The following DCPS variants were observed in gnomAD, a reference collection of about 807,000 sequenced individuals.
DCPS encodes decapping enzyme, scavenger.
In DCPS, 27 loss-of-function variants were observed where a neutral mutation model predicts 34.7. The observed-to-expected ratio is 0.78, with a 90% CI of 0.57 to 1.07. The LOEUF is 1.07. Among genes scored for constraint, DCPS ranks in the 50% least tolerant of loss-of-function variants. The pLI is 0.00. For missense variants in DCPS, 464 were observed against 436.9 expected, an observed-to-expected ratio of 1.06 and a Z score of -0.55; for synonymous variants, 185 against 185.7, an observed-to-expected ratio of 1.00 and a Z score of 0.03.
intron 5 of DCPS, among the ~76,000 whole-genome samples, chr11:126,343,998 A>G (rs1333004205): frequency 6.6e-6 from 1 of 152,084 alleles, no homozygotes; most frequent in Non-Finnish European, 1.5e-5. Flanking sequence ...TTGGACCCTA[A>G]CCAGCTGAGT....
At chr11:126,318,228 G>A (rs995474899) in intron 2 of DCPS, among the ~76,000 whole-genome samples, 1 of 152,198 alleles carries the variant, frequency 6.6e-6, no homozygotes, top group Non-Finnish European at 1.5e-5. Context: ...GAGGCTTGCT[G>A]TGGAGTGGTT....
At chr11:126,330,635 C>G (rs1286656470) in intron 2 of DCPS, among the ~76,000 whole-genome samples, 1 of 141,918 alleles carries the variant, frequency 7.0e-6, no homozygotes, top group Non-Finnish European at 1.5e-5. Context: ...GTGCCTGGAA[C>G]CACTGCGCTC....
chr11:126,336,945 T>C lies in DCPS; in HGVS notation c.523-1341T>C, dbSNP rs1380118989. The C allele has an allele frequency of 6.6e-6, 1 of 152,418 alleles. No individual in the cohort carries two copies. Among genetic ancestry groups the C allele is most frequent in the Non-Finnish European group, 1.5e-5 (1 of 68,250 alleles). 9.4% of individuals were successfully genotyped at this position (152,418 alleles called of 1,614,324 possible). On this transcript the variant is annotated intron_variant, in intron 3 of 5. Coordinates refer to ENST00000263579, the MANE Select transcript of DCPS (RefSeq NM_014026.6). This position sits in a 1 kb window ranked among gnomAD's most constrained non-coding sequence, Gnocchi z 6.3. ...GAAATGCTTCCTGTGGGTAGAGAGT[T>C]GCAGGAGACCTCGAGGCCCAGCTGC...
chr11:126,345,324 C>A lies in DCPS; in HGVS notation c.748-23C>A. 6.2e-7 allele frequency: 1 copy of A among 1,612,614 alleles called. No individual in the cohort carries two copies. Among genetic ancestry groups the A allele is most frequent in the Non-Finnish European group, 8.5e-7 (1 of 1,179,540 alleles). Reference sequence around the variant, plus strand: ...CCTCAGGCAGCACGGTGACTCCTGACCTGCCTGCCCCTGTCTCATCAGGAG... The same window carrying A: ...CCTCAGGCAGCACGGTGACTCCTGAACTGCCTGCCCCTGTCTCATCAGGAG... On this transcript the variant is annotated intron_variant, in intron 5 of 5. Transcript: ENST00000263579. This position sits in a 1 kb window ranked among gnomAD's most constrained non-coding sequence, Gnocchi z 7.4.
rs190840638 is a variant in DCPS at position 126,328,142 on chromosome 11, G to A, written c.377-3263G>A. ...GCTGACGCGAGTTAGTGGGTCAGTGGGGAGCCGGCGCGGCTGGAGCAGAGG... is the reference window on the plus strand; with the variant it reads ...GCTGACGCGAGTTAGTGGGTCAGTGAGGAGCCGGCGCGGCTGGAGCAGAGG... On this transcript the variant is annotated intron_variant, in intron 2 of 5. Transcript: ENST00000263579. The surrounding 1 kb of genome is among the most constrained non-coding windows in gnomAD (Gnocchi z 6.6). Among the ~76,000 whole-genome samples, 120 of 152,356 alleles carry A rather than the reference G, an allele frequency of 7.9e-4. 1 individual carries two copies. The highest frequency in any genetic ancestry group is 2.6e-3 in the African/African-American group (108 of 41,586).
intron 2 of DCPS, among the ~76,000 whole-genome samples, chr11:126,308,634 A>G (rs2135309037): frequency 6.6e-6 from 1 of 152,356 alleles, no homozygotes; most frequent in East Asian, 1.9e-4. Flanking sequence ...ACCGTGGCCA[A>G]ACACAACTTG....
intron 2 of DCPS, among the ~76,000 whole-genome samples, chr11:126,308,161 CAT>C (rs1951589305): frequency 6.6e-6 from 1 of 152,182 alleles, no homozygotes; most frequent in Non-Finnish European, 1.5e-5. Context: ...CCAGGTGTGA[CAT>C]GTGCATTTTT....
intron 2 of DCPS, among the ~76,000 whole-genome samples, chr11:126,316,748 C>T (rs1176859881): frequency 1.3e-5 from 2 of 151,394 alleles, no homozygotes; most frequent in African/African-American, 2.4e-5. Flanking sequence ...CTCCGCCTCC[C>T]GGGTTCAAGC....
At position 126,312,183 on chromosome 11, in the gene DCPS, G is replaced by A. The variant is rs1056895265; in HGVS notation, c.376+5439G>A. 1.3e-5 allele frequency among the ~76,000 whole-genome samples: 2 copies of A among 151,970 alleles called. No individual in the cohort carries two copies. The highest frequency in any genetic ancestry group is 6.6e-5 in the Admixed American group (1 of 15,252). ...TGACCTCAGGTGATCCACCTGCCTC[G>A]GCCTCCCAGAGTGCTGAGAGTACAG... is the stretch of plus-strand genomic sequence containing the variant. On this transcript the variant is annotated intron_variant, in intron 2 of 5. Coordinates refer to ENST00000263579, the MANE Select transcript of DCPS (RefSeq NM_014026.6). This position sits in a 1 kb window ranked among gnomAD's most constrained non-coding sequence, Gnocchi z 5.1.
chr11:126,321,060 G>C (rs1467664272), intron 2 of DCPS, among the ~76,000 whole-genome samples: 1 of 151,688 alleles, frequency 6.6e-6, no homozygotes, highest in Non-Finnish European at 1.5e-5. Context: ...TTGGAGATTA[G>C]CCTGGGCAAC....
In DCPS at chr11:126,334,979, C is replaced by G. The variant is rs1321068919; in HGVS notation, c.523-3307C>G. On this transcript the variant is annotated intron_variant, in intron 3 of 5. Transcript: ENST00000263579. The surrounding 1 kb of genome is among the most constrained non-coding windows in gnomAD (Gnocchi z 5.5). ...GAAAAATGTAACTAATGGCTCCTCC[C>G]TCCTGGGTGTTGTGGAAATTGAGAG... Among the ~76,000 whole-genome samples the G allele has an allele frequency of 6.6e-6, 1 of 152,218 alleles. No individual in the cohort carries two copies. The highest frequency in any genetic ancestry group is 1.5e-5 in the Non-Finnish European group (1 of 68,046).
chr11:126,315,561 T>TAA lies in DCPS; in HGVS notation c.376+8825_376+8826dup, dbSNP rs1014473909. On this transcript the variant is annotated intron_variant, in intron 2 of 5. Transcript: ENST00000263579. The surrounding 1 kb of genome is among the most constrained non-coding windows in gnomAD (Gnocchi z 6.1). The stretch of plus-strand genomic sequence containing the variant: ...GGTGGCAGAGCAAAACCCTGTCTCT[T>TAA]AAAAAAAAATAAAAAGAGAAAAGAA... 6.6e-6 allele frequency among the ~76,000 whole-genome samples: 1 copy of TAA among 150,544 alleles called. No individual in the cohort carries two copies. Among genetic ancestry groups the TAA allele is most frequent in the Admixed American group, 6.6e-5 (1 of 15,094 alleles).
rs748525397 is a variant in DCPS, at chr11:126,343,259, C to A, written c.637-48C>A. 4.6e-6 allele frequency: 7 copies of A among 1,531,444 alleles called. No homozygotes were observed. In the Admixed American group the frequency reaches 9.0e-5, roughly 20 times the overall value. 94.9% of individuals were successfully genotyped at this position (1,531,444 alleles called of 1,614,324 possible). A position where few individuals can be genotyped will look rare whatever the true frequency, so the allele number is the denominator to read the frequency against. On this transcript the variant is annotated intron_variant, in intron 4 of 5. Coordinates refer to ENST00000263579, the MANE Select transcript of DCPS (RefSeq NM_014026.6). ...GAGAACTCCAGGGTTGGCAGCCTCC[C>A]CAGGTCTGTTCCCTGCTGAGCCTGG...
chr11:126,343,453 G>C (rs1163742669), intron 5 of DCPS, 36 bp downstream of exon 5: 2 of 1,517,030 alleles, frequency 1.3e-6, no homozygotes, highest in Non-Finnish European at 1.8e-6. Flanking sequence ...GAAGCTCAGA[G>C]AAATTAGACT....
Position 126,337,890 on chromosome 11 carries a change from A to T in DCPS, c.523-396A>T. On this transcript the variant is annotated intron_variant, in intron 3 of 5. Transcript: ENST00000263579. This position sits in a 1 kb window ranked among gnomAD's most constrained non-coding sequence, Gnocchi z 5.3. ...GCCCCATAGTCCTGAATAGAGTGAA[A>T]TAGGATCCATGGAGGCAGCTCTTCC... is the stretch of plus-strand genomic sequence containing the variant. The T allele has an allele frequency of 4.8e-6, 1 of 208,744 alleles. No individual in the cohort carries two copies. Among genetic ancestry groups the T allele is most frequent in the South Asian group, 8.3e-5 (1 of 12,108 alleles). The allele number at this position is 208,744 out of a possible 1,614,324, so 12.9% of individuals were successfully genotyped here.
intron 4 of DCPS, chr11:126,341,078 A>G (rs1473328218): frequency 6.6e-6 from 1 of 152,206 alleles, no homozygotes; most frequent in Admixed American, 6.5e-5. Context: ...ATAAACATAT[A>G]TGTACATGTA....
At chr11:126,340,615 G>T (rs1951868390) in intron 4 of DCPS, among the ~76,000 whole-genome samples, 1 of 152,224 alleles carries the variant, frequency 6.6e-6, no homozygotes, top group Non-Finnish European at 1.5e-5. Flanking sequence ...CCATGCCTGG[G>T]CTTCTATCCT....
rs1273734450 is a variant in DCPS, at chr11:126,327,474, A to G, written c.377-3931A>G. Among the ~76,000 whole-genome samples, 2 of 152,200 alleles carry G rather than the reference A, an allele frequency of 1.3e-5. No homozygotes were observed. The highest frequency in any genetic ancestry group is 2.9e-5 in the Non-Finnish European group (2 of 68,040). ...GCGACTCGTGTTCCCTTTGTAATTAATAAGTAATCTATGGGAGATATTTTT... is the reference window on the plus strand; with the variant it reads ...GCGACTCGTGTTCCCTTTGTAATTAGTAAGTAATCTATGGGAGATATTTTT... On this transcript the variant is annotated intron_variant, in intron 2 of 5. Transcript: ENST00000263579. This position sits in a 1 kb window ranked among gnomAD's most constrained non-coding sequence, Gnocchi z 4.1.
At chr11:126,330,928 G>A (rs1359169225) in intron 2 of DCPS, among the ~76,000 whole-genome samples, 4 of 151,214 alleles carry the variant, frequency 2.6e-5, no homozygotes, top group African/African-American at 4.9e-5. Flanking sequence ...TAGAGATGGG[G>A]TTTCTCCACG....
Sources: gnomAD v4.1 joint callset for allele counts (sites outside exome capture counted in the v4.1 genomes callset) on GRCh38, gnomAD v4.1.1 for gene constraint, Gnocchi (gnomAD v3.1) non-coding constraint, MANE v1.5 for transcripts, NCBI Gene and HGNC (gene_info 2026-07-23, HGNC 2026-07-21) for gene names.